Variants in LIPA observed in about 807,000 individuals in gnomAD.
LIPA encodes lysosomal acid lipase/cholesteryl ester hydrolase.
Under a neutral mutation model 40.6 loss-of-function variants are expected in LIPA, and 26 were observed. The ratio of observed to expected loss-of-function variants is 0.64; its 90% CI spans 0.47 to 0.89. The LOEUF is 0.89. Among genes scored for constraint, LIPA ranks in the 40% least tolerant of loss-of-function variants. The pLI is 0.00. For missense variants in LIPA, 455 were observed against 479.6 expected (o/e 0.95, Z 0.48); for synonymous variants, 188 against 168.4 (o/e 1.12, Z -0.90).
upstream of LIPA, chr10:89,414,603 G>C (rs1841509691): frequency 2.0e-6 from 1 of 498,248 alleles, no homozygotes; most frequent in African/African-American, 2.0e-5. Flanking sequence ...TCAATCTCCA[G>C]TTTCCTGTTC....
chr10:89,408,307 C>G (rs1035911399), intron 2 of LIPA, among the ~76,000 whole-genome samples: 1 of 152,198 alleles, frequency 6.6e-6, no homozygotes, highest in African/African-American at 2.4e-5. Flanking sequence ...TTGATATTTT[C>G]TGTAAGAGGG....
chr10:89,365,225 C>T (rs993309108), intron 2 of LIPA, among the ~76,000 whole-genome samples: 1 of 152,168 alleles, frequency 6.6e-6, no homozygotes, highest in Non-Finnish European at 1.5e-5. Context: ...AATTCCTTAC[C>T]TAATACCACT....
intron 1 of LIPA, among the ~76,000 whole-genome samples, chr10:89,272,941 T>C (rs1843273246): frequency 1.3e-5 from 2 of 152,328 alleles, no homozygotes; most frequent in East Asian, 1.9e-4. Context: ...TTTAATGGAG[T>C]TGTTTTTTTC....
At chr10:89,220,729 G>A (rs1208350574) in intron 8 of LIPA, among the ~76,000 whole-genome samples, 2 of 152,112 alleles carry the variant, frequency 1.3e-5, no homozygotes, top group African/African-American at 2.4e-5. Context: ...TTAGAGACGA[G>A]CCCCAGGGAA....
At chr10:89,340,045 G>C (rs760742725) in intron 1 of LIPA, 3 of 1,614,096 alleles carry the variant, frequency 1.9e-6, no homozygotes, top group Admixed American at 1.7e-5. Flanking sequence ...ATCTGAGCTT[G>C]AGGATGGTAG....
chr10:89,306,854 A>C (rs376793909), intron 1 of LIPA: 4 of 1,614,120 alleles, frequency 2.5e-6, no homozygotes, highest in Non-Finnish European at 8.5e-7. Context: ...CCAAGTAATG[A>C]ATCTAAGAGA....
chr10:89,230,488 G>A (rs1001411831), intron 3 of LIPA, among the ~76,000 whole-genome samples: 1 of 152,048 alleles, frequency 6.6e-6, no homozygotes, highest in African/African-American at 2.4e-5. Context: ...TGTGTTTTTT[G>A]TAGAGACAGT....
intron 1 of LIPA, among the ~76,000 whole-genome samples, chr10:89,258,330 T>C (rs1675892657): frequency 6.6e-6 from 1 of 152,082 alleles, no homozygotes; most frequent in South Asian, 2.1e-4. Flanking sequence ...TAGGAGTTCC[T>C]GGAAAAAAAT....
chr10:89,282,821 T>C (rs1361720101), intron 1 of LIPA, among the ~76,000 whole-genome samples: 3 of 152,164 alleles, frequency 2.0e-5, no homozygotes, highest in Non-Finnish European at 4.4e-5. Context: ...TCAGAAACTA[T>C]ATAGTTTAGA....
intron 1 of LIPA, chr10:89,307,221 G>T: frequency 6.2e-7 from 1 of 1,613,912 alleles, no homozygotes; most frequent in South Asian, 1.1e-5. Context: ...GCCAAAATGC[G>T]ACTTTCTAAA....
intron 1 of LIPA, chr10:89,307,042 T>C (rs1216261271): frequency 1.9e-6 from 3 of 1,614,002 alleles, no homozygotes; most frequent in East Asian, 4.5e-5. Context: ...AGGAATTCAG[T>C]AAAGAGCTTA....
In LIPA at chr10:89,218,091, T is replaced by A. The variant is rs113200489; in HGVS notation, c.895-2082A>T. ...ATCACAGAGTATATGTAGATAATGA[T>A]CAGGAGGAAATGCCTATAGTATTAG... On this transcript the variant is annotated intron_variant, in intron 8 of 9. Coordinates refer to ENST00000336233, the MANE Select transcript of LIPA (RefSeq NM_000235.4). Among the ~76,000 whole-genome samples, 444 of 152,260 alleles carry A rather than the reference T, an allele frequency of 2.9e-3. 1 individual carries two copies. The highest frequency in any genetic ancestry group is 5.6e-3 in the African/African-American group (234 of 41,530).
At chr10:89,225,820 T>C (rs1168610100) in intron 5 of LIPA, among the ~76,000 whole-genome samples, 1 of 152,270 alleles carries the variant, frequency 6.6e-6, no homozygotes, top group African/African-American at 2.4e-5. Context: ...CCCCCCATAC[T>C]GTTCTTGTGG....
intron 3 of LIPA, among the ~76,000 whole-genome samples, chr10:89,230,802 C>G (rs1252750125): frequency 6.6e-6 from 1 of 152,198 alleles, no homozygotes; most frequent in Admixed American, 6.5e-5. Flanking sequence ...GTCTGACACA[C>G]AGTAAGAGTT....
intron 1 of LIPA, among the ~76,000 whole-genome samples, chr10:89,248,514 G>A (rs1589574539): frequency 6.8e-6 from 1 of 146,736 alleles, no homozygotes; most frequent in Admixed American, 6.8e-5. Flanking sequence ...TCGCTCTGTC[G>A]CCCAGGCTGG....
chr10:89,354,328 C>A (rs12249707), intron 2 of LIPA, among the ~76,000 whole-genome samples: 4,617 of 152,330 alleles, frequency 0.03, 126 homozygotes, highest in African/African-American at 0.071. Context: ...TTGATGTCTC[C>A]TGTCTTCCTA....
intron 2 of LIPA, among the ~76,000 whole-genome samples, chr10:89,350,324 T>TTTTTTTTTTTTG (rs1384771963): frequency 1.4e-3 from 213 of 151,154 alleles, no homozygotes; most frequent in East Asian, 4.2e-3. Flanking sequence ...CCTTTTTTTT[T>TTTTTTTTTTTTG]AAGACGGAGT....
Position 89,410,847 on chromosome 10 carries a change from C to T in LIPA, c.61+1944G>A, listed in dbSNP as rs1319887800. The stretch of plus-strand genomic sequence containing the variant: ...AAAGGTGAAGGAGAGGGAAGAACAG[C>T]AGCATAAGCCACTGGCAGAGGCAGG... On this transcript the variant is annotated intron_variant, in intron 2 of 8. Transcript: ENST00000371837. Among the ~76,000 whole-genome samples, 2 of 152,080 alleles carry T rather than the reference C, an allele frequency of 1.3e-5. 1 individual carries two copies. The highest frequency in any genetic ancestry group is 1.3e-4 in the Admixed American group (2 of 15,266).
At chr10:89,283,991 T>G (rs746894160) in intron 1 of LIPA, 4 of 152,232 alleles carry the variant, frequency 2.6e-5, no homozygotes, top group Non-Finnish European at 4.4e-5. Flanking sequence ...GGCATCTGCT[T>G]AAATATTTAA....
Sources: allele counts gnomAD v4.1 joint callset (sites outside exome capture counted in the v4.1 genomes callset), GRCh38; gene constraint gnomAD v4.1.1; transcripts MANE v1.5; gene names NCBI Gene and HGNC (gene_info 2026-07-23, HGNC 2026-07-21).